The following TAOK3 variants were observed in gnomAD, a reference collection of about 807,000 sequenced individuals.
The protein encoded by TAOK3 is serine/threonine-protein kinase TAO3.
In TAOK3, 40 loss-of-function variants were observed where a neutral mutation model predicts 120.4. The observed-to-expected ratio is 0.33, with a 90% CI of 0.26 to 0.43. The LOEUF is 0.43. Ranked by LOEUF, TAOK3 falls within the 20% of genes least tolerant of loss-of-function variation. TAOK3 has a pLI of 1.00. For synonymous variants in TAOK3, 355 were observed against 387.5 expected, an observed-to-expected ratio of 0.92 and a Z score of 0.99; for missense variants, 821 against 1,112.1, an observed-to-expected ratio of 0.74 and a Z score of 3.72.
chr12:118,314,058 CA>C (rs1275906529), intron 1 of TAOK3, among the ~76,000 whole-genome samples: 1 of 152,186 alleles, frequency 6.6e-6, no homozygotes, highest in Non-Finnish European at 1.5e-5. Flanking sequence ...AACCTTTTAA[CA>C]GTGACATTTT....
chr12:118,180,310 G>A (rs147868828), intron 15 of TAOK3, among the ~76,000 whole-genome samples: 2,630 of 148,476 alleles, frequency 0.018, 73 homozygotes, highest in East Asian at 0.07. Context: ...ACACAATCTC[G>A]GCTCACTGCA....
chr12:118,305,678 G>A (rs778328410), intron 1 of TAOK3, among the ~76,000 whole-genome samples: 1 of 152,084 alleles, frequency 6.6e-6, no homozygotes, highest in South Asian at 2.1e-4. Flanking sequence ...GCAGAGGTGG[G>A]CAGATCACTT....
chr12:118,165,231 A>G (rs1340870868), intron 17 of TAOK3, among the ~76,000 whole-genome samples: 1 of 152,088 alleles, frequency 6.6e-6, no homozygotes, highest in Non-Finnish European at 1.5e-5. Context: ...AAGGATGGAG[A>G]GCCCTTCCCA....
At chr12:118,354,280 T>C (rs984251907) in intron 1 of TAOK3, among the ~76,000 whole-genome samples, 3 of 152,170 alleles carry the variant, frequency 2.0e-5, no homozygotes, top group Non-Finnish European at 2.9e-5. Flanking sequence ...TCAAGGTTAG[T>C]TGAACACAAG....
intron 3 of TAOK3, chr12:118,247,039 T>G (rs1455767285): frequency 4.4e-6 from 3 of 686,070 alleles, no homozygotes; most frequent in East Asian, 5.6e-5. Flanking sequence ...CCAGAATATA[T>G]ATCAGTGATA....
chr12:118,238,559 C>T (rs191163039), intron 6 of TAOK3, among the ~76,000 whole-genome samples: 1 of 152,262 alleles, frequency 6.6e-6, no homozygotes, highest in East Asian at 1.9e-4. Context: ...TTTAATTACC[C>T]CTTCAAACTA....
intron 19 of TAOK3, among the ~76,000 whole-genome samples, chr12:118,154,968 T>A (rs2034709965): frequency 6.6e-6 from 1 of 151,876 alleles, no homozygotes; most frequent in Non-Finnish European, 1.5e-5. Context: ...ATGGGCCAAA[T>A]CTAGCCTGGT....
intron 1 of TAOK3, among the ~76,000 whole-genome samples, chr12:118,306,886 T>A (rs938784048): frequency 6.6e-6 from 1 of 152,168 alleles, no homozygotes; most frequent in African/African-American, 2.4e-5. Context: ...CACTATCCAA[T>A]AATGGTAGCC....
intron 1 of TAOK3, among the ~76,000 whole-genome samples, chr12:118,312,479 A>G (rs977920958): frequency 3.3e-5 from 5 of 152,214 alleles, no homozygotes; most frequent in African/African-American, 1.2e-4. Context: ...AAATAAATTA[A>G]GATTTTTCTT....
At position 118,152,195 on chromosome 12, in the gene TAOK3, G is replaced by T. The variant is rs745890908; in HGVS notation, c.2535+32C>A. ...CCTCAGCCACGCCCCCTTCCACCCA[G>T]TGGCACCGGACCCCTGGTAATGCTC... On this transcript the variant is annotated intron_variant, in intron 20 of 20. Coordinates refer to ENST00000392533, the MANE Select transcript of TAOK3 (RefSeq NM_016281.4). 2.5e-6 allele frequency: 4 copies of T among 1,597,674 alleles called. No homozygotes were observed. The South Asian group carries it at 4.4e-5, about 18-fold the overall frequency.
rs142822486 is a variant in TAOK3, at chr12:118,237,401, C to T, written c.437+672G>A. 4.9e-3 allele frequency among the ~76,000 whole-genome samples: 741 copies of T among 152,240 alleles called. 31 individuals are homozygous for T. Among genetic ancestry groups the T allele is most frequent in the Admixed American group, 0.045 (689 of 15,282 alleles). On this transcript the variant is annotated intron_variant, in intron 7 of 20. Transcript: ENST00000392533. Reference sequence around the variant, plus strand: ...TACTGAGAGAAGAAAAGATTGGTAACATGTTTCTCTAGAAGTTAATGGAGG... The same window carrying T: ...TACTGAGAGAAGAAAAGATTGGTAATATGTTTCTCTAGAAGTTAATGGAGG...
At chr12:118,166,659 T>A (rs998618615) in intron 17 of TAOK3, among the ~76,000 whole-genome samples, 3 of 152,170 alleles carry the variant, frequency 2.0e-5, no homozygotes, top group Non-Finnish European at 2.9e-5. Flanking sequence ...GGTTACTTTA[T>A]TTGTACAAAT....
intron 1 of TAOK3, among the ~76,000 whole-genome samples, chr12:118,333,085 C>T (rs1350955927): frequency 6.6e-6 from 1 of 151,986 alleles, no homozygotes; most frequent in Non-Finnish European, 1.5e-5. Context: ...AATTACTAGA[C>T]AGAAAATTAA....
intron 1 of TAOK3, among the ~76,000 whole-genome samples, chr12:118,269,976 CT>C (rs2041632063): frequency 6.6e-6 from 1 of 152,126 alleles, no homozygotes; most frequent in Non-Finnish European, 1.5e-5. Flanking sequence ...CCAAATTATT[CT>C]GATTATACTT....
chr12:118,339,874 A>T (rs1303778462), intron 1 of TAOK3, among the ~76,000 whole-genome samples: 2 of 152,138 alleles, frequency 1.3e-5, no homozygotes, highest in Non-Finnish European at 2.9e-5. Flanking sequence ...TACTTTATAG[A>T]TTTTAATTTG....
rs113476273 is a variant in TAOK3 at position 118,168,253 on chromosome 12, T to C, written c.1899+4204A>G. ...AGACGAATAATTACTGGAGCTCTAA[T>C]GCACTCACTGCATGGTGATGATAGT... On this transcript the variant is annotated intron_variant, in intron 17 of 20. Coordinates refer to ENST00000392533, the MANE Select transcript of TAOK3 (RefSeq NM_016281.4). 8.8e-3 allele frequency among the ~76,000 whole-genome samples: 1,335 copies of C among 152,324 alleles called. 20 individuals carry two copies. The highest frequency in any genetic ancestry group is 0.031 in the African/African-American group (1,293 of 41,572).
At chr12:118,186,877 G>A (rs1200478332) in intron 14 of TAOK3, among the ~76,000 whole-genome samples, 1 of 152,144 alleles carries the variant, frequency 6.6e-6, no homozygotes, top group Non-Finnish European at 1.5e-5. Flanking sequence ...GTTATAAGGT[G>A]CCAAAATAAT....
intron 2 of TAOK3, among the ~76,000 whole-genome samples, chr12:118,263,395 A>G (rs565540053): frequency 6.6e-6 from 1 of 152,348 alleles, no homozygotes; most frequent in South Asian, 2.1e-4. Context: ...CTTCTAGACG[A>G]AGGTACAGGA....
At chr12:118,259,795 G>A (rs1361050842) in intron 2 of TAOK3, among the ~76,000 whole-genome samples, 1 of 152,174 alleles carries the variant, frequency 6.6e-6, no homozygotes, top group Non-Finnish European at 1.5e-5. Context: ...AAGGTGAGTA[G>A]AGTTGGCAGG....
Sources: allele counts gnomAD v4.1 joint callset (sites outside exome capture counted in the v4.1 genomes callset), GRCh38; gene constraint gnomAD v4.1.1; transcripts MANE v1.5; gene names NCBI Gene and HGNC (gene_info 2026-07-23, HGNC 2026-07-21).